MORF4L1: variants seen among roughly 807,000 people sequenced by gnomAD.
MORF4L1 encodes the protein mortality factor 4-like protein 1.
A neutral mutation model predicts 52.9 loss-of-function variants in MORF4L1; 4 were observed. The observed-to-expected ratio is 0.08, with a 90% CI of 0.04 to 0.17. MORF4L1 has a LOEUF of 0.17. Ranked by LOEUF, MORF4L1 falls within the 10% of genes least tolerant of loss-of-function variation. MORF4L1 has a pLI of 1.00. For synonymous variants in MORF4L1, 123 were observed against 134.8 expected, an observed-to-expected ratio of 0.91 and a Z score of 0.61; for missense variants, 214 against 390.4, an observed-to-expected ratio of 0.55 and a Z score of 3.81.
At chr15:78,883,381 C>G (rs1034445993) in intron 3 of MORF4L1, among the ~76,000 whole-genome samples, 1 of 152,102 alleles carries the variant, frequency 6.6e-6, no homozygotes, top group African/African-American at 2.4e-5. Flanking sequence ...TAATAGATAA[C>G]CCTGTATAAA....
intron 9 of MORF4L1, 67 bp from the exon 10 acceptor site, chr15:78,893,991 G>T: frequency 1.4e-6 from 2 of 1,411,318 alleles, no homozygotes; most frequent in Non-Finnish European, 1.9e-6. Flanking sequence ...CTTTAAATTG[G>T]TTGAATTATT....
intron 1 of MORF4L1, 32 bp from the exon 2 acceptor site, chr15:78,878,181 A>G: frequency 6.3e-7 from 1 of 1,592,540 alleles, no homozygotes; most frequent in South Asian, 1.2e-5. Flanking sequence ...ATGAGAAGAA[A>G]TTACAATTCA....
At chr15:78,876,603 G>A (rs1435688799) in intron 1 of MORF4L1, 1 of 455,878 alleles carries the variant, frequency 2.2e-6, no homozygotes, top group African/African-American at 2.0e-5. Context: ...CATTTTCAGA[G>A]TGCCTTTAAA....
At position 78,883,851 on chromosome 15, in the gene MORF4L1, TGTA is replaced by T. The variant is rs2056645728; in HGVS notation, c.156-2289_156-2287del. 2.0e-5 allele frequency among the ~76,000 whole-genome samples: 3 copies of T among 152,188 alleles called. No individual in the cohort carries two copies. In the South Asian group the frequency reaches 6.2e-4, roughly 32 times the overall value. On this transcript the variant is annotated intron_variant, in intron 3 of 11. Coordinates refer to ENST00000426013, the MANE Select transcript of MORF4L1 (RefSeq NM_006791.4). ...CCTAGTGTGTTGTGTATTTAGTCTA[TGTA>T]AGTACTGCCCATGGATCATTGTGAC...
intron 11 of MORF4L1, among the ~76,000 whole-genome samples, chr15:78,896,228 G>A (rs566519148): frequency 1.3e-5 from 2 of 151,882 alleles, no homozygotes; most frequent in Middle Eastern, 3.4e-3. Flanking sequence ...TTTGTGCCTC[G>A]GCCCCCCAAA....
Position 78,878,194 on chromosome 15 carries a change from A to G in MORF4L1, c.41-19A>G. 8 of 1,605,630 alleles carry G rather than the reference A, an allele frequency of 5.0e-6. No homozygotes were observed. The highest frequency in any genetic ancestry group is 6.8e-6 in the Non-Finnish European group (8 of 1,176,616). On this transcript the variant is annotated intron_variant, in intron 1 of 11. Coordinates refer to ENST00000426013, the MANE Select transcript of MORF4L1 (RefSeq NM_006791.4). ...ATATGAGAAGAAATTACAATTCAGT[A>G]CTTTTTCTCCCTTTACAGGTGAGCG...
chr15:78,893,026 T>G (rs1475586694), intron 8 of MORF4L1: 1 of 153,772 alleles, frequency 6.5e-6, no homozygotes, highest in Non-Finnish European at 1.4e-5. Flanking sequence ...TTGGACAAGT[T>G]TCTTAGCCTT....
At chr15:78,896,912 A>T in intron 11 of MORF4L1, 71 bp from the exon 12 acceptor site, 1 of 1,155,030 alleles carries the variant, frequency 8.7e-7, no homozygotes, top group Non-Finnish European at 1.3e-6. Flanking sequence ...TTATGTATAT[A>T]ATATATAGGA....
intron 3 of MORF4L1, among the ~76,000 whole-genome samples, chr15:78,884,442 C>G (rs969881643): frequency 3.3e-5 from 5 of 151,910 alleles, no homozygotes; most frequent in Non-Finnish European, 7.4e-5. Context: ...GAGTTCGAGA[C>G]AAGCCTGACC....
chr15:78,892,071 TGA>T, intron 7 of MORF4L1, 139 bp from the exon 8 acceptor site: 3 of 527,982 alleles, frequency 5.7e-6, no homozygotes, highest in Non-Finnish European at 1.0e-5. Context: ...TTTTTATTAA[TGA>T]TTTTAAAAAA....
At chr15:78,893,704 C>T in intron 9 of MORF4L1, 77 bp downstream of exon 9, 8 of 962,264 alleles carry the variant, frequency 8.3e-6, no homozygotes, top group Non-Finnish European at 1.3e-5. Flanking sequence ...GAAACTTGTA[C>T]TGACTCCGAA....
chr15:78,888,995 CAAAAG>C, intron 5 of MORF4L1, among the ~76,000 whole-genome samples: 1 of 152,216 alleles, frequency 6.6e-6, no homozygotes, highest in African/African-American at 2.4e-5. Context: ...AGATTTTTAT[CAAAAG>C]TAATAGTTCA....
At chr15:78,889,001 T>C (rs1224276880) in intron 5 of MORF4L1, among the ~76,000 whole-genome samples, 1 of 152,220 alleles carries the variant, frequency 6.6e-6, no homozygotes, top group East Asian at 1.9e-4. Flanking sequence ...TTATCAAAAG[T>C]AATAGTTCAT....
At chr15:78,886,063 G>C (rs564685832) in intron 3 of MORF4L1, 78 bp from the exon 4 acceptor site, 2 of 1,037,078 alleles carry the variant, frequency 1.9e-6, no homozygotes, top group South Asian at 2.6e-5. Flanking sequence ...GAGAAATCCA[G>C]TCTTGCCTCT....
At position 78,893,610 on chromosome 15, in the gene MORF4L1, T is replaced by A; in HGVS notation, c.612T>A (p.Arg204=). 1 of 1,586,328 alleles carries A rather than the reference T, an allele frequency of 6.3e-7. No homozygotes were observed. Among genetic ancestry groups the A allele is most frequent in the Non-Finnish European group, 8.6e-7 (1 of 1,157,880 alleles). Residue 204 remains arginine (R), a synonymous_variant, in exon 9 of 12, where the codon CGT becomes CGA. Coordinates refer to ENST00000426013, the MANE Select transcript of MORF4L1 (RefSeq NM_006791.4). ...LEDYANYKKS[R]GNTDNKEYAV... ...ATTATGCAAATTACAAGAAATCTCG[T>A]GGAAACACAGATAATAAGTAAGAAT...
At chr15:78,873,255 G>C in intron 1 of MORF4L1, 198 bp downstream of exon 1, 1 of 1,493,482 alleles carries the variant, frequency 6.7e-7, no homozygotes, top group South Asian at 1.3e-5. Flanking sequence ...TGAAGCGAGA[G>C]TGCTGCGCAG....
At chr15:78,885,690 T>C (rs2141472293) in intron 3 of MORF4L1, among the ~76,000 whole-genome samples, 1 of 152,362 alleles carries the variant, frequency 6.6e-6, no homozygotes, top group Non-Finnish European at 1.5e-5. Context: ...ATAAGTACTG[T>C]TGTTATCCTC....
Position 78,893,544 on chromosome 15 carries a change from T to G in MORF4L1, c.546T>G (p.Phe182Leu). Residue 182 changes from phenylalanine to leucine, a missense_variant, in exon 9 of 12, where the codon TTT becomes TTG. By Grantham distance (22) the Phe-to-Leu change is conservative. Coordinates refer to ENST00000426013, the MANE Select transcript of MORF4L1 (RefSeq NM_006791.4). ...WDLITRQKQL[F>L]YLPAKKNVDS... ...GCATATTTTTGTCTTCATAGCTCTT[T>G]TATCTTCCTGCCAAGAAGAATGTGG... 6.2e-7 allele frequency: 1 copy of G among 1,603,216 alleles called. No individual in the cohort carries two copies. Among genetic ancestry groups the G allele is most frequent in the Non-Finnish European group, 8.5e-7 (1 of 1,171,526 alleles).
At chr15:78,877,621 A>G (rs569308137) in intron 1 of MORF4L1, 1 of 152,344 alleles carries the variant, frequency 6.6e-6, no homozygotes, top group East Asian at 1.9e-4. Flanking sequence ...AGTAGGCTCA[A>G]CGTAGACTGT....
Sources: allele counts gnomAD v4.1 joint callset (sites outside exome capture counted in the v4.1 genomes callset), GRCh38; gene constraint gnomAD v4.1.1; transcripts MANE v1.5; gene names NCBI Gene and HGNC (gene_info 2026-07-23, HGNC 2026-07-21).